Variants in NEGR1 observed in about 807,000 individuals in gnomAD.
The protein encoded by NEGR1 is IgLON family member 4.
Under a neutral mutation model 40.9 loss-of-function variants are expected in NEGR1, and 10 were observed. The ratio of observed to expected loss-of-function variants is 0.24; its 90% CI spans 0.15 to 0.42. NEGR1 has a LOEUF of 0.42. Ranked by LOEUF, NEGR1 falls within the 10% of genes least tolerant of loss-of-function variation. The pLI, the probability that NEGR1 is intolerant of heterozygous loss-of-function variation, is 1.00. For missense variants in NEGR1, 352 were observed against 438.9 expected, an observed-to-expected ratio of 0.80 and a Z score of 1.77; for synonymous variants, 185 against 166.8, an observed-to-expected ratio of 1.11 and a Z score of -0.84.
chr1:71,466,553 A>C (rs1646747168), intron 6 of NEGR1, among the ~76,000 whole-genome samples: 1 of 152,046 alleles, frequency 6.6e-6, no homozygotes, highest in Non-Finnish European at 1.5e-5. Flanking sequence ...GAGTACTGGG[A>C]AGTGCAGCCT....
rs1371301120 is a variant in NEGR1 at position 72,025,961 on chromosome 1, A to G, written c.177-90650T>C. 2.0e-5 allele frequency among the ~76,000 whole-genome samples: 3 copies of G among 151,124 alleles called. No individual in the cohort carries two copies. In the East Asian group the frequency reaches 5.9e-4, roughly 30 times the overall value. On this transcript the variant is annotated intron_variant, in intron 1 of 6. Transcript: ENST00000357731. ...CCCGTCTCTACTAAAAATACAAAAA[A>G]TTAGCCGGGCGTAGTGGCGGGCGCC...
intron 6 of NEGR1, among the ~76,000 whole-genome samples, chr1:71,533,095 C>A (rs1224166501): frequency 6.6e-6 from 1 of 151,550 alleles, no homozygotes; most frequent in Admixed American, 6.6e-5. Context: ...AACACCCCAT[C>A]ACTGACTTTG....
At chr1:71,739,612 TA>T (rs1057460064) in intron 3 of NEGR1, among the ~76,000 whole-genome samples, 1 of 151,988 alleles carries the variant, frequency 6.6e-6, no homozygotes, top group African/African-American at 2.4e-5. Context: ...ATTGCACATT[TA>T]AAAAAAATTC....
intron 2 of NEGR1, among the ~76,000 whole-genome samples, chr1:71,784,060 G>A (rs1656818995): frequency 6.6e-6 from 1 of 152,104 alleles, no homozygotes; most frequent in African/African-American, 2.4e-5. Flanking sequence ...AGAATTGAGG[G>A]GATGCTGATA....
intron 5 of NEGR1, among the ~76,000 whole-genome samples, chr1:71,597,781 T>C (rs1222952113): frequency 6.6e-6 from 1 of 151,502 alleles, no homozygotes; most frequent in Non-Finnish European, 1.5e-5. Flanking sequence ...GTAATCCCAG[T>C]GGGCGCCTGT....
chr1:72,008,742 A>C (rs968676715), intron 1 of NEGR1, among the ~76,000 whole-genome samples: 1 of 152,120 alleles, frequency 6.6e-6, no homozygotes, highest in African/African-American at 2.4e-5. Context: ...AACTTGTCCT[A>C]ACAGGTGACT....
At chr1:71,415,128 G>GT (rs368030747) in intron 6 of NEGR1, among the ~76,000 whole-genome samples, 1,938 of 146,714 alleles carry the variant, frequency 0.013, 40 homozygotes, top group African/African-American at 0.041. Flanking sequence ...AACATTTTGG[G>GT]TTTTTTTTTT....
At position 71,611,031 on chromosome 1, in the gene NEGR1, C is replaced by G; in HGVS notation, c.783G>C (p.Glu261Asp). 6.2e-7 allele frequency: 1 copy of G among 1,613,714 alleles called. No individual in the cohort carries two copies. The part of the protein sequence containing the change: ...PPPAFEWYKG[E>D]KKLFNGQQGI... Reference sequence around the variant, plus strand: ...AATAATCACAAAGTCCTCACTTCTTCTCTCCTTTGTACCATTCAAAGGCTG... The same window carrying G: ...AATAATCACAAAGTCCTCACTTCTTGTCTCCTTTGTACCATTCAAAGGCTG... The change falls in exon 5 of 7, where the codon GAG becomes GAC. Residue 261 changes from glutamate (E) to aspartate (D), a missense_variant. By Grantham distance (45) the Glu-to-Asp change is conservative. This residue lies in a region of NEGR1 where 184 missense variants were observed against 208.7 expected (regional missense o/e 0.88). Coordinates refer to ENST00000357731, the MANE Select transcript of NEGR1 (RefSeq NM_173808.3).
chr1:72,010,874 A>G (rs1426178095), intron 1 of NEGR1, among the ~76,000 whole-genome samples: 7 of 152,128 alleles, frequency 4.6e-5, no homozygotes, highest in Admixed American at 1.3e-4. Context: ...TACAATACAC[A>G]GGACAATTCA....
At chr1:71,643,716 T>C (rs1233815160) in intron 4 of NEGR1, among the ~76,000 whole-genome samples, 3 of 152,058 alleles carry the variant, frequency 2.0e-5, no homozygotes, top group Non-Finnish European at 4.4e-5. Flanking sequence ...ATTCAGGCTC[T>C]GAAATATTGT....
At chr1:72,236,518 T>G (rs1417873369) in intron 1 of NEGR1, among the ~76,000 whole-genome samples, 1 of 152,040 alleles carries the variant, frequency 6.6e-6, no homozygotes, top group Admixed American at 6.6e-5. Flanking sequence ...TACTAATGTC[T>G]AGTTCATCAT....
intron 1 of NEGR1, among the ~76,000 whole-genome samples, chr1:72,218,425 T>C (rs1298006409): frequency 3.3e-5 from 5 of 152,076 alleles, no homozygotes; most frequent in African/African-American, 7.2e-5. Flanking sequence ...AATTATTTTA[T>C]GAACAACTCA....
chr1:71,628,884 T>G (rs901656713), intron 4 of NEGR1, among the ~76,000 whole-genome samples: 5 of 152,154 alleles, frequency 3.3e-5, no homozygotes, highest in Non-Finnish European at 1.5e-5. Flanking sequence ...TATGTGTGCA[T>G]GTGTCTTTAT....
At chr1:72,099,823 A>AGTTG (rs1648861349) in intron 1 of NEGR1, among the ~76,000 whole-genome samples, 1 of 151,888 alleles carries the variant, frequency 6.6e-6, no homozygotes, top group African/African-American at 2.4e-5. Context: ...AAGTACTTTT[A>AGTTG]GTTGATATAA....
intron 1 of NEGR1, among the ~76,000 whole-genome samples, chr1:71,962,830 G>A (rs1254154031): frequency 1.3e-5 from 2 of 149,254 alleles, no homozygotes; most frequent in Non-Finnish European, 3.0e-5. Context: ...AAAAAAAGAT[G>A]AGTCACATAA....
chr1:71,581,870 T>A (rs1387164797), intron 6 of NEGR1, among the ~76,000 whole-genome samples: 1 of 151,906 alleles, frequency 6.6e-6, no homozygotes, highest in East Asian at 1.9e-4. Context: ...ATTCAGTTAA[T>A]TTTGTGTATT....
intron 6 of NEGR1, among the ~76,000 whole-genome samples, chr1:71,455,788 C>A (rs1646668738): frequency 6.6e-6 from 1 of 152,076 alleles, no homozygotes; most frequent in South Asian, 2.1e-4. Context: ...TTTTATGTCT[C>A]CAAGTTAAAA....
chr1:72,044,663 T>A (rs1156316657), intron 1 of NEGR1, among the ~76,000 whole-genome samples: 1 of 151,778 alleles, frequency 6.6e-6, no homozygotes, highest in African/African-American at 2.4e-5. Flanking sequence ...AAACATAAAC[T>A]CTGATATGAT....
At chr1:72,004,828 A>G (rs1196286034) in intron 1 of NEGR1, among the ~76,000 whole-genome samples, 1 of 152,184 alleles carries the variant, frequency 6.6e-6, no homozygotes, top group East Asian at 1.9e-4. Flanking sequence ...CTGGAGATTC[A>G]GGCTTCATTA....
Sources: allele counts gnomAD v4.1 joint callset (sites outside exome capture counted in the v4.1 genomes callset), GRCh38; gene constraint gnomAD v4.1.1; regional missense constraint gnomAD v4.1.1; transcripts MANE v1.5; gene names NCBI Gene and HGNC (gene_info 2026-07-23, HGNC 2026-07-21).